The following LRP5 variants were observed in gnomAD, a reference collection of about 807,000 sequenced individuals.
LRP5 encodes the protein LDL receptor related protein 5, also known as low-density lipoprotein receptor-related protein 5.
Under a neutral mutation model 154.1 loss-of-function variants are expected in LRP5, and 62 were observed. The observed-to-expected ratio is 0.40, with a 90% CI of 0.33 to 0.50. LRP5 has a LOEUF of 0.50. Ranked by LOEUF, LRP5 falls within the 20% of genes least tolerant of loss-of-function variation. LRP5 has a pLI of 0.55. For missense variants in LRP5, 1,915 were observed against 2,336.7 expected, an observed-to-expected ratio of 0.82 and a Z score of 3.72; for synonymous variants, 966 against 1,011.5, an observed-to-expected ratio of 0.96 and a Z score of 0.85.
At chr11:68,308,600 T>C (rs192925518), upstream of LRP5, among the ~76,000 whole-genome samples, 23 of 152,292 alleles carry the variant, frequency 1.5e-4, no homozygotes, top group Non-Finnish European at 2.9e-4. Context: ...TGACTGTCCT[T>C]GGGGTGCTGG....
intron 1 of LRP5, among the ~76,000 whole-genome samples, chr11:68,326,471 C>A (rs2098599746): frequency 6.6e-6 from 1 of 152,268 alleles, no homozygotes; most frequent in Admixed American, 6.5e-5. Context: ...GCACCAGGTT[C>A]TTCCCCCTCT....
At chr11:68,407,698 T>C (rs2098656524) in intron 9 of LRP5, among the ~76,000 whole-genome samples, 1 of 150,858 alleles carries the variant, frequency 6.6e-6, no homozygotes, top group African/African-American at 2.4e-5. Context: ...AAAAAAAAAA[T>C]TAACCGGGCA....
chr11:68,433,806 G>C lies in LRP5; in HGVS notation c.3968G>C (p.Cys1323Ser), dbSNP rs777918830. 5 of 1,612,618 alleles carry C rather than the reference G, an allele frequency of 3.1e-6. No homozygotes were observed. Among genetic ancestry groups the C allele is most frequent in the Non-Finnish European group, 4.2e-6 (5 of 1,179,772 alleles). ...CTGCGCTGCGACGGCGAGGCAGACT[G>C]TCAGGACCGCTCAGACGAGGCGGAC... ...LRLRCDGEAD[C>S]QDRSDEADCD... Residue 1323 changes from cysteine (C) to serine (S), a missense_variant, in exon 18 of 23, where the codon TGT becomes TCT. Transcript: ENST00000294304.
chr11:68,445,758 C>A, intron 21 of LRP5: 3 of 921,804 alleles, frequency 3.3e-6, no homozygotes, highest in South Asian at 1.4e-5. Context: ...TGGTTGTGTG[C>A]TGCCTGGACC....
chr11:68,325,428 T>G (rs2098599101), intron 1 of LRP5, among the ~76,000 whole-genome samples: 2 of 152,172 alleles, frequency 1.3e-5, no homozygotes, highest in Admixed American at 1.3e-4. Context: ...CCTGTTCTAT[T>G]CTTGGCTGCC....
At chr11:68,375,830 C>T (rs922180001) in intron 5 of LRP5, among the ~76,000 whole-genome samples, 4 of 152,240 alleles carry the variant, frequency 2.6e-5, no homozygotes, top group African/African-American at 9.6e-5. Context: ...CAGCCTCAGC[C>T]CTCTGCTGTG....
chr11:68,357,780 C>G lies in LRP5; in HGVS notation c.619C>G (p.Gln207Glu). ...PNGLTIDLEE[Q>E]KLYWADAKLS... is the part of the protein sequence containing the mutation. ...TGGACTGACCATCGACCTGGAGGAG[C>G]AGAAGCTCTACTGGGCTGACGCCAA... The change falls in exon 3 of 23, where the codon CAG becomes GAG. Residue 207 changes from glutamine (Q) to glutamate (E), a missense_variant. Physicochemically the swap from Gln to Glu is conservative, Grantham distance 29. Transcript: ENST00000294304. The G allele has an allele frequency of 6.2e-7, 1 of 1,614,078 alleles. No individual in the cohort carries two copies. The highest frequency in any genetic ancestry group is 1.1e-5 in the South Asian group (1 of 91,038).
At chr11:68,411,966 G>A (rs1383112045) in intron 11 of LRP5, among the ~76,000 whole-genome samples, 1 of 152,130 alleles carries the variant, frequency 6.6e-6, no homozygotes, top group East Asian at 1.9e-4. Flanking sequence ...CTGAGCACAT[G>A]ACTTGCCTTA....
intron 2 of LRP5, among the ~76,000 whole-genome samples, chr11:68,356,022 T>C (rs1375033111): frequency 6.6e-6 from 1 of 151,656 alleles, no homozygotes; most frequent in African/African-American, 2.4e-5. Context: ...TTTTTTGTAC[T>C]TTTAGTAGAG....
intron 2 of LRP5, among the ~76,000 whole-genome samples, chr11:68,357,024 C>T (rs576572960): frequency 1.3e-5 from 2 of 151,996 alleles, no homozygotes; most frequent in African/African-American, 4.8e-5. Flanking sequence ...CAACCTCCCC[C>T]TCCCGGGTTC....
chr11:68,385,366 G>C (rs988416706), intron 5 of LRP5, among the ~76,000 whole-genome samples: 1 of 152,186 alleles, frequency 6.6e-6, no homozygotes. Flanking sequence ...TGGGTGCTTC[G>C]TGGCGTGGTT....
chr11:68,348,045 C>T lies in LRP5; in HGVS notation c.290C>T (p.Ala97Val), dbSNP rs143433231. The change falls in exon 2 of 23, where the codon GCC becomes GTC. Residue 97 changes from alanine to valine, a missense_variant. By Grantham distance (64) the Ala-to-Val change is moderately conservative (BLOSUM62 0). This residue lies in a region of LRP5 where 773 missense variants were observed against 1,100.9 expected (regional missense o/e 0.70). Coordinates refer to ENST00000294304, the MANE Select transcript of LRP5 (RefSeq NM_002335.4). The stretch of plus-strand genomic sequence containing the variant: ...CAGACCTACCTGAACCAGACGGGGG[C>T]CGCCGTGCAGAACGTGGTCATCTCC... Reference protein sequence around the residue: ...IKQTYLNQTGAAVQNVVISGL... With the variant: ...IKQTYLNQTGVAVQNVVISGL... The T allele has an allele frequency of 1.7e-4, 267 of 1,614,102 alleles. 1 individual carries two copies. In the East Asian group the frequency reaches 2.3e-3, roughly 14 times the overall value.
chr11:68,346,475 T>C (rs1247888315), intron 1 of LRP5, among the ~76,000 whole-genome samples: 2 of 152,264 alleles, frequency 1.3e-5, no homozygotes, highest in Non-Finnish European at 2.9e-5. Flanking sequence ...TCTGGCCCTT[T>C]GTGTTCCCAG....
intron 7 of LRP5, among the ~76,000 whole-genome samples, chr11:68,393,044 C>T (rs560721149): frequency 3.6e-4 from 54 of 151,830 alleles, no homozygotes; most frequent in African/African-American, 1.2e-3. Context: ...GTGGGAGGAT[C>T]GCTTAAGCCC....
At chr11:68,351,766 C>T (rs937106585) in intron 2 of LRP5, among the ~76,000 whole-genome samples, 8 of 152,088 alleles carry the variant, frequency 5.3e-5, no homozygotes, top group Non-Finnish European at 7.4e-5. Flanking sequence ...GGGACGTGTG[C>T]GTAGGGGGAT....
At chr11:68,389,092 A>G (rs1181409584) in intron 6 of LRP5, among the ~76,000 whole-genome samples, 1 of 152,144 alleles carries the variant, frequency 6.6e-6, no homozygotes. Context: ...CAACACTGAC[A>G]TCTACTGACA....
At chr11:68,445,578 C>G in intron 21 of LRP5, 1 of 1,314,780 alleles carries the variant, frequency 7.6e-7, no homozygotes, top group African/African-American at 1.5e-5. Context: ...CGCAGGGGCT[C>G]GGATCTGGCT....
intron 1 of LRP5, among the ~76,000 whole-genome samples, chr11:68,321,406 A>T (rs1591171703): frequency 6.6e-6 from 1 of 151,998 alleles, no homozygotes; most frequent in African/African-American, 2.4e-5. Flanking sequence ...GAGCCGTCCT[A>T]TCAGGTTCCA....
intron 1 of LRP5, among the ~76,000 whole-genome samples, chr11:68,317,188 T>C (rs2153112445): frequency 6.6e-6 from 1 of 152,318 alleles, no homozygotes; most frequent in Non-Finnish European, 1.5e-5. Context: ...CTCTGCATTC[T>C]CTTCAGCTCT....
Sources: gnomAD v4.1 joint callset for allele counts (sites outside exome capture counted in the v4.1 genomes callset) on GRCh38, gnomAD v4.1.1 for gene constraint, gnomAD v4.1.1 regional missense constraint, MANE v1.5 for transcripts, NCBI Gene and HGNC (gene_info 2026-07-23, HGNC 2026-07-21) for gene names.